The following SMOC2 variants were observed in gnomAD, a reference collection of about 807,000 sequenced individuals.
SMOC2 encodes SPARC-related modular calcium-binding protein 2.
Under a neutral mutation model 61.4 loss-of-function variants are expected in SMOC2, and 39 were observed. The ratio of observed to expected loss-of-function variants is 0.64; its 90% CI spans 0.49 to 0.83. SMOC2 has a LOEUF of 0.83. Among genes scored for constraint, SMOC2 ranks in the 40% least tolerant of loss-of-function variants. The probability of loss-of-function intolerance (pLI) is 0.00; values close to 1 mark genes in which losing one functional copy is unlikely to be tolerated. For missense variants in SMOC2, 556 were observed against 592.9 expected (o/e 0.94, Z 0.65); for synonymous variants, 247 against 239.9 (o/e 1.03, Z -0.27).
At chr6:168,573,683 A>G (rs1784727564) in intron 7 of SMOC2, among the ~76,000 whole-genome samples, 1 of 152,046 alleles carries the variant, frequency 6.6e-6, no homozygotes, top group Admixed American at 6.5e-5. Context: ...GTGCCCTGGT[A>G]TCCGCTTCAC....
intron 1 of SMOC2, among the ~76,000 whole-genome samples, chr6:168,456,346 G>A (rs1781586441): frequency 5.3e-5 from 8 of 152,226 alleles, no homozygotes; most frequent in Admixed American, 4.6e-4. Context: ...GGGGCTGCAG[G>A]GCTGGCAGGT....
intron 1 of SMOC2, among the ~76,000 whole-genome samples, chr6:168,495,104 A>G (rs1230422157): frequency 6.6e-6 from 1 of 152,236 alleles, no homozygotes; most frequent in Non-Finnish European, 1.5e-5. Context: ...GGGTGGGCTC[A>G]GGACACAGAC....
intron 1 of SMOC2, among the ~76,000 whole-genome samples, chr6:168,482,464 T>G (rs1432920376): frequency 6.6e-6 from 1 of 152,092 alleles, no homozygotes; most frequent in African/African-American, 2.4e-5. Context: ...ACCTCACGGC[T>G]TCACTGGTGA....
chr6:168,445,855 A>G (rs902464592), intron 1 of SMOC2, among the ~76,000 whole-genome samples: 1 of 152,222 alleles, frequency 6.6e-6, no homozygotes, highest in African/African-American at 2.4e-5. Context: ...AAATAACACT[A>G]TAAGCAATTG....
intron 1 of SMOC2, among the ~76,000 whole-genome samples, chr6:168,483,612 C>T (rs2115025711): frequency 6.6e-6 from 1 of 152,172 alleles, no homozygotes; most frequent in Middle Eastern, 3.4e-3. Context: ...TCCTAAAATT[C>T]ATGTGGAATG....
At chr6:168,495,897 G>A (rs1486212139) in intron 1 of SMOC2, among the ~76,000 whole-genome samples, 1 of 152,212 alleles carries the variant, frequency 6.6e-6, no homozygotes, top group Non-Finnish European at 1.5e-5. Flanking sequence ...CCTCCTCACC[G>A]ATGAGCGGTC....
intron 2 of SMOC2, among the ~76,000 whole-genome samples, chr6:168,523,079 A>ATTCTTTTTTTTTT (rs551183247): frequency 0.29 from 27,483 of 93,220 alleles, 10,493 homozygotes; most frequent in Non-Finnish European, 0.47. Flanking sequence ...TTGTACAGTA[A>ATTCTTTTTTTTTT]TTTTTTTTTT....
chr6:168,652,910 G>C, intron 10 of SMOC2, 44 bp from the exon 11 acceptor site: 1 of 1,592,332 alleles, frequency 6.3e-7, no homozygotes, highest in Non-Finnish European at 8.6e-7. Context: ...GGAAGGAGCA[G>C]CCCAGGGGTT....
chr6:168,519,597 C>T (rs142617801), intron 2 of SMOC2, among the ~76,000 whole-genome samples: 1 of 152,278 alleles, frequency 6.6e-6, no homozygotes, highest in Non-Finnish European at 1.5e-5. Context: ...GAACATCGCA[C>T]ATCCAAAGGG....
chr6:168,600,266 G>T (rs547245167), intron 8 of SMOC2, among the ~76,000 whole-genome samples: 1 of 151,956 alleles, frequency 6.6e-6, no homozygotes, highest in Non-Finnish European at 1.5e-5. Flanking sequence ...AATTAGCTGG[G>T]CGTGGTGGTG....
chr6:168,650,617 T>C, intron 9 of SMOC2, 64 bp from the exon 10 acceptor site: 1 of 1,481,480 alleles, frequency 6.8e-7, no homozygotes, highest in South Asian at 1.2e-5. Flanking sequence ...CATTTCCCTG[T>C]ATTTTAGAGG....
At chr6:168,595,478 C>T (rs532289984) in intron 7 of SMOC2, among the ~76,000 whole-genome samples, 16 of 152,338 alleles carry the variant, frequency 1.1e-4, no homozygotes, top group African/African-American at 1.4e-4. Context: ...GCCTGCAGAA[C>T]GCTGCGTTCT....
chr6:168,497,017 G>C (rs1782607067), intron 1 of SMOC2, among the ~76,000 whole-genome samples: 1 of 152,244 alleles, frequency 6.6e-6, no homozygotes, highest in Non-Finnish European at 1.5e-5. Context: ...GCTGAGCAGA[G>C]GGCTAGAGGG....
intron 12 of SMOC2, among the ~76,000 whole-genome samples, chr6:168,665,491 G>C (rs1196867206): frequency 6.6e-6 from 1 of 152,236 alleles, no homozygotes; most frequent in Non-Finnish European, 1.5e-5. Context: ...GCATGACCCA[G>C]ACAGGAACTA....
At chr6:168,497,701 G>A (rs1197751170) in intron 1 of SMOC2, among the ~76,000 whole-genome samples, 1 of 152,204 alleles carries the variant, frequency 6.6e-6, no homozygotes, top group Non-Finnish European at 1.5e-5. Context: ...CAGATGAAGT[G>A]AGAGACAAAC....
chr6:168,514,419 C>T (rs59739383), intron 2 of SMOC2, among the ~76,000 whole-genome samples: 50,480 of 152,120 alleles, frequency 0.33, 9,277 homozygotes, highest in African/African-American at 0.46. Flanking sequence ...CCCAGGAAAC[C>T]GCAGGGCCAT....
rs1015125503 is a variant in SMOC2 at position 168,547,226 on chromosome 6, T to A, written c.562+57T>A. On this transcript the variant is annotated intron_variant, in intron 6 of 12. Coordinates refer to ENST00000356284, the MANE Select transcript of SMOC2 (RefSeq NM_001166412.2). ...TTGGGGAGGAGTGCGAGGGACGGTA[T>A]GGAGCTGGGAAGTGGAGCGAGTCAT... is the stretch of plus-strand genomic sequence containing the variant. 46 of 1,499,228 alleles carry A rather than the reference T, an allele frequency of 3.1e-5. No individual in the cohort carries two copies. In the African/African-American group the frequency reaches 5.8e-4, roughly 19 times the overall value. 92.9% of individuals were successfully genotyped at this position (1,499,228 alleles called of 1,614,324 possible).
chr6:168,626,746 T>C (rs1487505010), intron 9 of SMOC2, among the ~76,000 whole-genome samples: 1 of 152,058 alleles, frequency 6.6e-6, no homozygotes, highest in Non-Finnish European at 1.5e-5. Flanking sequence ...TCTTGGAGAG[T>C]GCGCCAGGAA....
At chr6:168,495,012 G>A (rs780566216) in intron 1 of SMOC2, among the ~76,000 whole-genome samples, 8 of 152,184 alleles carry the variant, frequency 5.3e-5, no homozygotes, top group Admixed American at 4.6e-4. Flanking sequence ...TCCAGGCCCC[G>A]CCTCTGGCAC....
Sources: allele counts gnomAD v4.1 joint callset (sites outside exome capture counted in the v4.1 genomes callset), GRCh38; gene constraint gnomAD v4.1.1; transcripts MANE v1.5; gene names NCBI Gene and HGNC (gene_info 2026-07-23, HGNC 2026-07-21).